Variants in SPTY2D1 observed in about 807,000 individuals in gnomAD.
The protein encoded by SPTY2D1 is protein SPT2 homolog.
Under a neutral mutation model 64.0 loss-of-function variants are expected in SPTY2D1, and 21 were observed. The observed-to-expected ratio is 0.33, with a 90% CI of 0.23 to 0.47. The LOEUF (loss-of-function observed/expected upper bound fraction) is 0.47, where lower values mean the gene tolerates loss of function less well. Among genes scored for constraint, SPTY2D1 ranks in the 20% least tolerant of loss-of-function variants. SPTY2D1 has a pLI of 1.00. For missense variants in SPTY2D1, 724 were observed against 837.2 expected (o/e 0.86, Z 1.67); for synonymous variants, 287 against 286.8 (o/e 1.00, Z -0.01).
Position 18,615,506 on chromosome 11 carries a change from C to A in SPTY2D1, c.768G>T (p.Met256Ile), listed in dbSNP as rs759825498. The stretch of plus-strand genomic sequence containing the variant: ...ATTTCTTCTCAGCATGAGGAAGGGG[C>A]ATTCCTTTGGAAGAAGGATGCCTGT... ...SGDRHPSSKG[M>I]PLPHAEKKSR... Residue 256 changes from methionine (M) to isoleucine (I), a missense_variant, in exon 3 of 6, where the codon ATG becomes ATT. Met to Ile is a conservative substitution (Grantham distance 10). This residue lies in a region of SPTY2D1 where 426 missense variants were observed against 431.8 expected (regional missense o/e 0.99). Transcript: ENST00000336349. 1 of 1,614,190 alleles carries A rather than the reference C, an allele frequency of 6.2e-7. No individual in the cohort carries two copies.
At chr11:18,625,430 C>T (rs1045127491) in intron 1 of SPTY2D1, among the ~76,000 whole-genome samples, 1 of 152,138 alleles carries the variant, frequency 6.6e-6, no homozygotes, top group South Asian at 2.1e-4. Context: ...AGTCCAACCT[C>T]TATGTTAGAA....
rs1358318605 is a variant in SPTY2D1 at position 18,612,710 on chromosome 11, T to G, written c.1712-222A>C. Among the ~76,000 whole-genome samples the G allele has an allele frequency of 6.6e-6, 1 of 152,152 alleles. No homozygotes were observed. The highest frequency in any genetic ancestry group is 2.4e-5 in the African/African-American group (1 of 41,448). On this transcript the variant is annotated intron_variant, in intron 3 of 5. Coordinates refer to ENST00000336349, the MANE Select transcript of SPTY2D1 (RefSeq NM_194285.3). The surrounding 1 kb of genome is among the most constrained non-coding windows in gnomAD (Gnocchi z 4.6). Reference sequence around the variant, plus strand: ...CTTACCAGAAATATCTTGTTACATTTTCTAGCTTAGTAGTGCCAATATTTC... The same window carrying G: ...CTTACCAGAAATATCTTGTTACATTGTCTAGCTTAGTAGTGCCAATATTTC...
intron 5 of SPTY2D1, chr11:18,610,368 T>C (rs1854181180): frequency 6.2e-6 from 1 of 161,994 alleles, no homozygotes; most frequent in Non-Finnish European, 1.3e-5. Flanking sequence ...TATTTACCTA[T>C]AATAACATTA....
chr11:18,623,004 T>G (rs915728833), intron 1 of SPTY2D1, among the ~76,000 whole-genome samples: 18 of 150,598 alleles, frequency 1.2e-4, no homozygotes, highest in Non-Finnish European at 2.7e-4. Flanking sequence ...ATTCCATGTA[T>G]AACTTTTGAC....
intron 3 of SPTY2D1, among the ~76,000 whole-genome samples, chr11:18,613,712 T>A (rs1854243076): frequency 6.6e-6 from 1 of 152,206 alleles, no homozygotes; most frequent in South Asian, 2.1e-4. Flanking sequence ...ACAAGTGCTT[T>A]AATAAATCTC....
At chr11:18,614,433 C>T (rs552221264) in intron 3 of SPTY2D1, 130 bp downstream of exon 3, 169 of 928,662 alleles carry the variant, frequency 1.8e-4, no homozygotes, top group Middle Eastern at 7.0e-4. Flanking sequence ...TAAAACATCA[C>T]GATTCTATCA....
chr11:18,622,908 C>T (rs1273643626), intron 1 of SPTY2D1, among the ~76,000 whole-genome samples: 6 of 151,636 alleles, frequency 4.0e-5, no homozygotes, highest in African/African-American at 7.3e-5. Flanking sequence ...GCTGAGATCG[C>T]GCCACTGTAC....
chr11:18,620,328 A>C (rs920359415), intron 1 of SPTY2D1, among the ~76,000 whole-genome samples: 7 of 151,884 alleles, frequency 4.6e-5, no homozygotes, highest in Non-Finnish European at 1.0e-4. Flanking sequence ...AAAGTACAAA[A>C]ATTACCCAGG....
At chr11:18,630,104 G>A (rs1854563278) in intron 1 of SPTY2D1, among the ~76,000 whole-genome samples, 2 of 151,952 alleles carry the variant, frequency 1.3e-5, no homozygotes, top group Middle Eastern at 3.4e-3. Flanking sequence ...AGGAGGCGGA[G>A]GTTACAGTGA....
In SPTY2D1 at chr11:18,612,900, G is replaced by T. The variant is rs1044978763; in HGVS notation, c.1712-412C>A. On this transcript the variant is annotated intron_variant, in intron 3 of 5. Coordinates refer to ENST00000336349, the MANE Select transcript of SPTY2D1 (RefSeq NM_194285.3). The surrounding 1 kb of genome is among the most constrained non-coding windows in gnomAD (Gnocchi z 4.6). ...CTGCCTCAGCCTCCCGAGTAGCTGG[G>T]ATTATAGGCATGTGCCACAACGCCT... 1.5e-4 allele frequency among the ~76,000 whole-genome samples: 23 copies of T among 152,056 alleles called. No individual in the cohort carries two copies. Among genetic ancestry groups the T allele is most frequent in the Admixed American group, 3.3e-4 (5 of 15,270 alleles).
At chr11:18,622,086 C>CAAAAAAAAAAAAAAAAAAAAAAAAA (rs747593791) in intron 1 of SPTY2D1, among the ~76,000 whole-genome samples, 2 of 11,834 alleles carry the variant, frequency 1.7e-4, no homozygotes, top group Non-Finnish European at 3.3e-4. Context: ...GACCCTATCT[C>CAAAAAAAAAAAAAAAAAAAAAAAAA]AAAAAAAAAA....
At chr11:18,630,924 C>T (rs898457466) in intron 1 of SPTY2D1, among the ~76,000 whole-genome samples, 3 of 152,152 alleles carry the variant, frequency 2.0e-5, no homozygotes, top group South Asian at 2.1e-4. Context: ...CTGCAACCTC[C>T]GCCTCTCAAG....
intron 1 of SPTY2D1, among the ~76,000 whole-genome samples, chr11:18,630,144 G>GAA: frequency 6.6e-6 from 1 of 150,972 alleles, no homozygotes; most frequent in South Asian, 2.1e-4. Flanking sequence ...ACTTCAGCCT[G>GAA]GTGACAGAGG....
At position 18,615,284 on chromosome 11, in the gene SPTY2D1, G is replaced by T. The variant is rs760220402; in HGVS notation, c.990C>A (p.Ser330Arg). 5.0e-6 allele frequency: 8 copies of T among 1,614,202 alleles called. No homozygotes were observed. Among genetic ancestry groups the T allele is most frequent in the Non-Finnish European group, 6.8e-6 (8 of 1,180,040 alleles). ...SSPSVPKTSA[S>R]RTQKSAVEHK... ...GCTCAACAGCAGATTTCTGAGTCCT[G>T]CTAGCAGAAGTCTTTGGGACACTTG... Residue 330 changes from serine to arginine, a missense_variant, in exon 3 of 6, where the codon AGC becomes AGA. Coordinates refer to ENST00000336349, the MANE Select transcript of SPTY2D1 (RefSeq NM_194285.3).
chr11:18,615,467 C>T lies in SPTY2D1; in HGVS notation c.807G>A (p.Met269Ile), dbSNP rs1854283290. The change falls in exon 3 of 6, where the codon ATG (methionine) becomes ATA (isoleucine). Residue 269 changes from methionine to isoleucine, a missense_variant. Physicochemically the swap from Met to Ile is conservative, Grantham distance 10. Transcript: ENST00000336349. ...ACAAAGCGAGGTGTTTCTCATTGGC[C>T]ATGCTGGGTCTTGATTTCTTCTCAG... ...PHAEKKSRPS[M>I]ANEKHLALSS... The T allele has an allele frequency of 1.2e-6, 2 of 1,614,164 alleles. No homozygotes were observed. The highest frequency in any genetic ancestry group is 1.7e-5 in the Admixed American group (1 of 60,020).
At position 18,609,617 on chromosome 11, in the gene SPTY2D1, T is replaced by G. The variant is rs1854163636; in HGVS notation, c.*244A>C. On this transcript the variant is annotated 3_prime_UTR_variant, in exon 6 of 6. Coordinates refer to ENST00000336349, the MANE Select transcript of SPTY2D1 (RefSeq NM_194285.3). ...TAGCTCATCAGGATCAAGGCTGGCA[T>G]CTGTGAACAGTTAACTTCATAAGAG... is the stretch of plus-strand genomic sequence containing the variant. 1 of 505,488 alleles carries G rather than the reference T, an allele frequency of 2.0e-6. No homozygotes were observed. The highest frequency in any genetic ancestry group is 3.4e-5 in the East Asian group (1 of 29,470). 31.3% of individuals were successfully genotyped at this position (505,488 alleles called of 1,614,324 possible).
At position 18,607,686 on chromosome 11, in the gene SPTY2D1, G is replaced by A. The variant is rs1027385224; in HGVS notation, c.*2175C>T. 13 of 152,324 alleles carry A rather than the reference G, an allele frequency of 8.5e-5. No homozygotes were observed. Among genetic ancestry groups the A allele is most frequent in the African/African-American group, 2.7e-4 (11 of 41,424 alleles). 9.4% of individuals were successfully genotyped at this position (152,324 alleles called of 1,614,324 possible). ...ATGGAAGACAGGATTTGGAAACAAG[G>A]CCAAAATTTAAAAGACTTAACCTTT... On this transcript the variant is annotated 3_prime_UTR_variant, in exon 6 of 6. Transcript: ENST00000336349.
intron 1 of SPTY2D1, 65 bp from the exon 2 acceptor site, chr11:18,617,054 G>A: frequency 2.2e-6 from 3 of 1,351,584 alleles, no homozygotes; most frequent in Non-Finnish European, 3.2e-6. Context: ...TAGGTATAAG[G>A]CACTGTGCCA....
chr11:18,624,890 T>C (rs370292238), intron 1 of SPTY2D1, among the ~76,000 whole-genome samples: 3 of 152,056 alleles, frequency 2.0e-5, no homozygotes, highest in East Asian at 3.9e-4. Context: ...TCCCAGCTAC[T>C]AGGGAGGCTG....
Sources: gnomAD v4.1 joint callset for allele counts (sites outside exome capture counted in the v4.1 genomes callset) on GRCh38, gnomAD v4.1.1 for gene constraint, gnomAD v4.1.1 regional missense constraint, Gnocchi (gnomAD v3.1) non-coding constraint, MANE v1.5 for transcripts, NCBI Gene and HGNC (gene_info 2026-07-23, HGNC 2026-07-21) for gene names.